Variants in ARMC3 observed in about 807,000 individuals in gnomAD.
ARMC3 encodes armadillo repeat containing 3.
A neutral mutation model predicts 90.3 loss-of-function variants in ARMC3; 74 were observed. The ratio of observed to expected loss-of-function variants is 0.82; its 90% CI spans 0.68 to 0.99. The LOEUF is 0.99. Among genes scored for constraint, ARMC3 ranks in the 50% least tolerant of loss-of-function variants. The pLI is 0.00. For synonymous variants in ARMC3, 334 were observed against 361.8 expected (o/e 0.92, Z 0.87); for missense variants, 958 against 1,042.8 (o/e 0.92, Z 1.12).
chr10:23,001,052 G>C (rs1298581751), intron 11 of ARMC3, among the ~76,000 whole-genome samples: 1 of 152,122 alleles, frequency 6.6e-6, no homozygotes, highest in East Asian at 1.9e-4. Context: ...AAGACACTGT[G>C]TATAGATAGC....
At chr10:22,999,566 T>G (rs1333315036) in intron 11 of ARMC3, among the ~76,000 whole-genome samples, 1 of 152,256 alleles carries the variant, frequency 6.6e-6, no homozygotes, top group African/African-American at 2.4e-5. Flanking sequence ...TGGCACCTAC[T>G]ATGTGCCAGT....
chr10:23,033,092 C>T, intron 18 of ARMC3, 69 bp downstream of exon 18: 1 of 1,464,130 alleles, frequency 6.8e-7, no homozygotes. Context: ...CTGGAGTAGG[C>T]CAGTTGCTAA....
chr10:23,030,529 T>G, intron 16 of ARMC3, 67 bp from the exon 17 acceptor site: 1 of 1,538,734 alleles, frequency 6.5e-7, no homozygotes. Context: ...TTTTCAGAAA[T>G]GCAAGAGCAA....
intron 10 of ARMC3, among the ~76,000 whole-genome samples, chr10:22,990,054 A>T (rs1182626313): frequency 6.6e-6 from 1 of 152,216 alleles, no homozygotes; most frequent in Non-Finnish European, 1.5e-5. Context: ...TATTACCTAC[A>T]GTGCAGAGAC....
chr10:22,970,806 C>T (rs886699377), intron 8 of ARMC3, among the ~76,000 whole-genome samples: 1 of 152,108 alleles, frequency 6.6e-6, no homozygotes. Flanking sequence ...TAAAATGGTG[C>T]CACTCACAGA....
intron 13 of ARMC3, among the ~76,000 whole-genome samples, chr10:23,005,629 C>A (rs971984227): frequency 2.0e-5 from 3 of 152,166 alleles, no homozygotes; most frequent in Admixed American, 2.0e-4. Flanking sequence ...CTTTGGGAGG[C>A]CGAGGCGGGT....
At chr10:23,016,639 C>T (rs965584649) in intron 16 of ARMC3, among the ~76,000 whole-genome samples, 1 of 152,058 alleles carries the variant, frequency 6.6e-6, no homozygotes. Flanking sequence ...GTACTGAAGC[C>T]CTTATTAATA....
At chr10:22,997,524 C>A (rs1255501628) in intron 10 of ARMC3, among the ~76,000 whole-genome samples, 5 of 152,182 alleles carry the variant, frequency 3.3e-5, no homozygotes, top group Non-Finnish European at 7.3e-5. Flanking sequence ...TGACTTTGAT[C>A]TTTAATGTTT....
chr10:23,026,720 CAA>C (rs944634897), intron 16 of ARMC3, among the ~76,000 whole-genome samples: 1 of 152,046 alleles, frequency 6.6e-6, no homozygotes, highest in Non-Finnish European at 1.5e-5. Context: ...TCATTTTATT[CAA>C]GTTTATTTTT....
chr10:22,982,764 A>T (rs1030859581), intron 10 of ARMC3, among the ~76,000 whole-genome samples: 3 of 152,138 alleles, frequency 2.0e-5, no homozygotes, highest in African/African-American at 7.2e-5. Context: ...TTCATTTATT[A>T]TTGCTTTGTG....
intron 7 of ARMC3, among the ~76,000 whole-genome samples, chr10:22,963,011 T>C (rs1835268990): frequency 6.6e-6 from 1 of 152,186 alleles, no homozygotes; most frequent in Non-Finnish European, 1.5e-5. Flanking sequence ...AAAGGGGAAC[T>C]GAAACCAGAA....
At chr10:22,961,266 G>A (rs1835179097) in intron 6 of ARMC3, 1 of 152,128 alleles carries the variant, frequency 6.6e-6, no homozygotes, top group African/African-American at 2.4e-5. Context: ...AAGAGTTTGG[G>A]AGCTTTTCAT....
Position 23,037,473 on chromosome 10 carries a change from C to G in ARMC3, c.2613C>G (p.Phe871Leu). 2 of 1,612,000 alleles carry G rather than the reference C, an allele frequency of 1.2e-6. No individual in the cohort carries two copies. The highest frequency in any genetic ancestry group is 1.7e-6 in the Non-Finnish European group (2 of 1,178,772). The part of the protein sequence containing the change: ...LRSREADLYR[F>L]I ...GTCGAGAGGCTGATCTTTACAGATT[C>G]ATTTAAGCCATCAGACGAACACAAG... The change falls in exon 19 of 19, where the codon TTC (phenylalanine) becomes TTG (leucine). Residue 871 changes from phenylalanine (F) to leucine (L), a missense_variant. Transcript: ENST00000298032.
At chr10:22,957,291 T>C (rs1460087748) in intron 4 of ARMC3, among the ~76,000 whole-genome samples, 1 of 151,948 alleles carries the variant, frequency 6.6e-6, no homozygotes, top group Non-Finnish European at 1.5e-5. Flanking sequence ...CAGTTATGAG[T>C]GGAAGTTGGG....
chr10:22,986,669 TCAAA>T (rs1836466259), intron 10 of ARMC3, among the ~76,000 whole-genome samples: 1 of 151,954 alleles, frequency 6.6e-6, no homozygotes, highest in South Asian at 2.1e-4. Flanking sequence ...AAGTCTGTTG[TCAAA>T]CAATCAATAA....
chr10:23,002,505 C>T (rs1307127482), intron 12 of ARMC3, among the ~76,000 whole-genome samples: 1 of 152,098 alleles, frequency 6.6e-6, no homozygotes, highest in Middle Eastern at 3.2e-3. Flanking sequence ...AGTTTGTTGC[C>T]TTTAACACAT....
At chr10:23,032,748 C>T (rs1358265809) in intron 17 of ARMC3, 113 bp from the exon 18 acceptor site, 4 of 1,167,536 alleles carry the variant, frequency 3.4e-6, no homozygotes, top group Non-Finnish European at 4.7e-6. Context: ...TAAAGCACAA[C>T]AAAAATCACA....
At chr10:22,948,378 G>C (rs542062185) in intron 3 of ARMC3, among the ~76,000 whole-genome samples, 2 of 151,992 alleles carry the variant, frequency 1.3e-5, no homozygotes, top group Non-Finnish European at 2.9e-5. Flanking sequence ...TGAAGAAATA[G>C]GCATGTATTT....
chr10:22,998,402 G>A lies in ARMC3; in HGVS notation c.1425+5G>A. 3.1e-6 allele frequency: 5 copies of A among 1,613,526 alleles called. No individual in the cohort carries two copies. The highest frequency in any genetic ancestry group is 4.2e-6 in the Non-Finnish European group (5 of 1,179,702). On this transcript the variant is annotated splice_donor_5th_base_variant and intron_variant, in intron 11 of 18. Coordinates refer to ENST00000298032, the MANE Select transcript of ARMC3 (RefSeq NM_173081.5). ...GACGTTGAAGCCCGGACTGAGGTGAGAATTTTAATAACATGTGTTCTCTCA... is the reference window on the plus strand; with the variant it reads ...GACGTTGAAGCCCGGACTGAGGTGAAAATTTTAATAACATGTGTTCTCTCA...
Sources: gnomAD v4.1 joint callset for allele counts (sites outside exome capture counted in the v4.1 genomes callset) on GRCh38, gnomAD v4.1.1 for gene constraint, MANE v1.5 for transcripts, NCBI Gene and HGNC (gene_info 2026-07-23, HGNC 2026-07-21) for gene names.